Variants in AKAP8 observed in about 807,000 individuals in gnomAD.
The protein encoded by AKAP8 is A-kinase anchor protein 8.
In AKAP8, 24 loss-of-function variants were observed where a neutral mutation model predicts 67.5. The observed-to-expected ratio is 0.36, with a 90% confidence interval of 0.26 to 0.50. The LOEUF (loss-of-function observed/expected upper bound fraction) is 0.50. Among genes scored for constraint, AKAP8 ranks in the 20% least tolerant of loss-of-function variants. AKAP8 has a pLI of 0.97. For synonymous variants in AKAP8, 400 were observed against 371.1 expected (o/e 1.08, Z -0.90); for missense variants, 971 against 955.9 (o/e 1.02, Z -0.21).
intron 7 of AKAP8, among the ~76,000 whole-genome samples, chr19:15,371,355 C>T (rs1041328049): frequency 2.0e-5 from 3 of 152,184 alleles, no homozygotes; most frequent in African/African-American, 4.8e-5. Context: ...GCACCCGGCA[C>T]GGAGCTGGCG....
intron 1 of AKAP8, among the ~76,000 whole-genome samples, chr19:15,377,736 G>C (rs1052761486): frequency 2.6e-5 from 4 of 152,104 alleles, no homozygotes; most frequent in Non-Finnish European, 5.9e-5. Flanking sequence ...CCAAAGTGCT[G>C]GGATTACAGG....
intron 9 of AKAP8, among the ~76,000 whole-genome samples, chr19:15,365,916 G>A (rs113364960): frequency 0.079 from 11,926 of 151,862 alleles, 651 homozygotes; most frequent in Non-Finnish European, 0.11. Flanking sequence ...CCAGCTACTT[G>A]GGAGGCGGAG....
At chr19:15,359,151 A>G (rs1966924382) in intron 12 of AKAP8, 89 bp from the exon 13 acceptor site, 2 of 1,196,804 alleles carry the variant, frequency 1.7e-6, no homozygotes, top group Non-Finnish European at 2.5e-6. Flanking sequence ...TCATCCTGAG[A>G]TCAGCCCTAT....
At position 15,372,834 on chromosome 19, in the gene AKAP8, A is replaced by G; in HGVS notation, c.861+17T>C. On this transcript the variant is annotated intron_variant, in intron 5 of 13. Transcript: ENST00000269701. The stretch of plus-strand genomic sequence containing the variant: ...AGAGAAGCGAAGGCGGCCGGAAGGA[A>G]CCTTGCGAGGGCTTACCCGATCCCG... 4 of 1,484,582 alleles carry G rather than the reference A, an allele frequency of 2.7e-6. No homozygotes were observed. Among genetic ancestry groups the G allele is most frequent in the Non-Finnish European group, 3.6e-6 (4 of 1,118,912 alleles). The allele number at this position is 1,484,582 out of a possible 1,614,324, so 92.0% of individuals were successfully genotyped here. A position where few individuals can be genotyped will look rare whatever the true frequency, so the allele number is the denominator to read the frequency against.
intron 9 of AKAP8, among the ~76,000 whole-genome samples, chr19:15,362,622 G>A (rs1330269250): frequency 6.6e-6 from 1 of 151,118 alleles, no homozygotes; most frequent in African/African-American, 2.4e-5. Context: ...GGCCTCCCGA[G>A]GTGCCGGGAT....
intron 1 of AKAP8, 134 bp from the exon 2 acceptor site, chr19:15,377,148 C>CA (rs1263977500): frequency 2.2e-4 from 208 of 957,876 alleles, no homozygotes; most frequent in Non-Finnish European, 2.4e-4. Context: ...CCCACCCCAC[C>CA]AAAAAAAAGC....
intron 2 of AKAP8, among the ~76,000 whole-genome samples, chr19:15,375,529 C>A (rs1183343822): frequency 6.6e-6 from 1 of 152,122 alleles, no homozygotes; most frequent in Non-Finnish European, 1.5e-5. Flanking sequence ...TGGATCAAAA[C>A]TCAGAGAACT....
chr19:15,370,055 T>C (rs1967128933), intron 8 of AKAP8, 91 bp downstream of exon 8: 4 of 1,523,936 alleles, frequency 2.6e-6, no homozygotes, highest in Non-Finnish European at 9.1e-7. Flanking sequence ...GGCCCCTCCA[T>C]CCAGGCCCCT....
At position 15,369,288 on chromosome 19, in the gene AKAP8, G is replaced by GTGC; in HGVS notation, c.1072+855_1072+857dup. 2 of 984,578 alleles carry GTGC rather than the reference G, an allele frequency of 2.0e-6. No individual in the cohort carries two copies. The highest frequency in any genetic ancestry group is 4.7e-5 in the South Asian group (1 of 21,264). 61.0% of individuals were successfully genotyped at this position (984,578 alleles called of 1,614,324 possible). ...TGCCGCTAAGCGCTCGGGGCGCCCC[G>GTGC]TGCTATGGACAGGACTGCTGCGGGT... On this transcript the variant is annotated intron_variant, in intron 8 of 13. Transcript: ENST00000269701. This position sits in a 1 kb window ranked among gnomAD's most constrained non-coding sequence, Gnocchi z 4.6.
At position 15,358,727 on chromosome 19, in the gene AKAP8, G is replaced by A. The variant is rs567892642; in HGVS notation, c.1623+240C>T. Among the ~76,000 whole-genome samples, 19 of 152,182 alleles carry A rather than the reference G, an allele frequency of 1.2e-4. No homozygotes were observed. In the South Asian group the frequency reaches 3.5e-3, roughly 28 times the overall value. The stretch of plus-strand genomic sequence containing the variant: ...GGCTAAACAATCAGGATTTTTCATG[G>A]TAAAAATCCATTACGCACTGATTAA... On this transcript the variant is annotated intron_variant, in intron 13 of 13. Coordinates refer to ENST00000269701, the MANE Select transcript of AKAP8 (RefSeq NM_005858.4).
At position 15,372,888 on chromosome 19, in the gene AKAP8, C is replaced by T; in HGVS notation, c.824G>A (p.Cys275Tyr). The T allele has an allele frequency of 1.3e-6, 2 of 1,509,688 alleles. No homozygotes were observed. The highest frequency in any genetic ancestry group is 1.8e-6 in the Non-Finnish European group (2 of 1,129,836). The allele number at this position is 1,509,688 out of a possible 1,614,324, so 93.5% of individuals were successfully genotyped here. The change falls in exon 5 of 14, where the codon TGT (cysteine) becomes TAT (tyrosine). Residue 275 changes from cysteine (C) to tyrosine (Y), a missense_variant. Physicochemically the swap from Cys to Tyr is radical, Grantham distance 194 (BLOSUM62 -2). This residue lies in a region of AKAP8 where 763 missense variants were observed against 745.4 expected (regional missense o/e 1.02). Transcript: ENST00000269701. ...GGYDSTMPYG[C>Y]GRSQPRMRDR... ...CCGCATCCGAGGCTGCGAGCGGCCA[C>T]ATCCGTAGGGCATGGTGCTGTCATA... is the stretch of plus-strand genomic sequence containing the variant.
chr19:15,374,095 T>A (rs770854882), intron 3 of AKAP8, 30 bp from the exon 4 acceptor site: 14 of 1,526,544 alleles, frequency 9.2e-6, no homozygotes, highest in Non-Finnish European at 1.2e-5. Flanking sequence ...CAAGTCAGAC[T>A]TCAGCAGCCA....
At position 15,377,026 on chromosome 19, in the gene AKAP8, C is replaced by T. The variant is rs779467185; in HGVS notation, c.20-12G>A. On this transcript the variant is annotated splice_polypyrimidine_tract_variant and intron_variant, in intron 1 of 13. Transcript: ENST00000269701. ...CCACGCCCCGTAGCCTGCAAGAAGA[C>T]CCCGTGAGTTAAAATTCTATTTGTC... The T allele has an allele frequency of 4.3e-6, 7 of 1,612,638 alleles. No individual in the cohort carries two copies. In the East Asian group the frequency reaches 1.6e-4, roughly 36 times the overall value.
In AKAP8 at chr19:15,354,491, CAAAA is replaced by C. The variant is rs200717871; in HGVS notation, c.*420_*423del. 1 of 175,784 alleles carries C rather than the reference CAAAA, an allele frequency of 5.7e-6. No homozygotes were observed. The highest frequency in any genetic ancestry group is 5.5e-5 in the Admixed American group (1 of 18,054). The allele number at this position is 175,784 out of a possible 1,614,324, so 10.9% of individuals were successfully genotyped here. A position where few individuals can be genotyped will look rare whatever the true frequency, so the allele number is the denominator to read the frequency against. On this transcript the variant is annotated 3_prime_UTR_variant, in exon 14 of 14. Coordinates refer to ENST00000269701, the MANE Select transcript of AKAP8 (RefSeq NM_005858.4). Reference sequence around the variant, plus strand: ...GTTAAAGGCTGAAGCTTGAAACATACAAAAAAAAATCCTCTATAGAGCAAGATAT... The same window carrying C: ...GTTAAAGGCTGAAGCTTGAAACATACAAAAATCCTCTATAGAGCAAGATAT...
intron 12 of AKAP8, among the ~76,000 whole-genome samples, 199 bp from the exon 13 acceptor site, chr19:15,359,261 A>G (rs1372408390): frequency 6.6e-6 from 1 of 152,244 alleles, no homozygotes; most frequent in East Asian, 1.9e-4. Context: ...CAATCTTAAG[A>G]GATAAATGCA....
chr19:15,373,051 A>G lies in AKAP8; in HGVS notation c.661T>C (p.Ser221Pro), dbSNP rs1967188788. The G allele has an allele frequency of 6.2e-7, 1 of 1,604,168 alleles. No individual in the cohort carries two copies. The highest frequency in any genetic ancestry group is 1.3e-5 in the African/African-American group (1 of 74,892). ...VPPAASSEPL[S>P]TPWNELNYVG... Reference sequence around the variant, plus strand: ...TAGTTCAGCTCGTTCCAGGGCGTGGACAGGGGCTCAGAGGACGCAGCGGGG... The same window carrying G: ...TAGTTCAGCTCGTTCCAGGGCGTGGGCAGGGGCTCAGAGGACGCAGCGGGG... Residue 221 changes from serine to proline, a missense_variant, in exon 5 of 14, where the codon TCC becomes CCC. Physicochemically the swap from Ser to Pro is moderately conservative, Grantham distance 74. This residue lies in a region of AKAP8 where 763 missense variants were observed against 745.4 expected (regional missense o/e 1.02). Transcript: ENST00000269701.
intron 9 of AKAP8, among the ~76,000 whole-genome samples, chr19:15,365,316 T>C (rs1478639076): frequency 6.6e-6 from 1 of 152,200 alleles, no homozygotes; most frequent in Non-Finnish European, 1.5e-5. Flanking sequence ...CGTAAAGACA[T>C]GTCACATCAA....
At chr19:15,360,756 C>T in intron 12 of AKAP8, 92 bp downstream of exon 12, 1 of 1,461,646 alleles carries the variant, frequency 6.8e-7, no homozygotes, top group African/African-American at 1.4e-5. Flanking sequence ...GCAAGAACCC[C>T]TAAAGATGTT....
intron 12 of AKAP8, among the ~76,000 whole-genome samples, chr19:15,359,865 G>A (rs1966936877): frequency 6.6e-6 from 1 of 151,084 alleles, no homozygotes; most frequent in South Asian, 2.1e-4. Context: ...TGGGTGCAGT[G>A]GCTCACACCT....
Sources: allele counts gnomAD v4.1 joint callset (sites outside exome capture counted in the v4.1 genomes callset), GRCh38; gene constraint gnomAD v4.1.1; regional missense constraint gnomAD v4.1.1; non-coding constraint Gnocchi (gnomAD v3.1); transcripts MANE v1.5; gene names NCBI Gene and HGNC (gene_info 2026-07-23, HGNC 2026-07-21).